Variants in BTBD7 observed in about 807,000 individuals in gnomAD.
BTBD7 encodes BTB domain containing 7.
Under a neutral mutation model 99.9 loss-of-function variants are expected in BTBD7, and 38 were observed. That is an observed-to-expected ratio of 0.38 (90% confidence interval 0.29 to 0.50). BTBD7 has a LOEUF of 0.50. BTBD7 is among the 20% of genes least tolerant of loss of function. The pLI, the probability that BTBD7 is intolerant of heterozygous loss-of-function variation, is 0.93. For missense variants in BTBD7, 1,170 were observed against 1,394.6 expected (o/e 0.84, Z 2.57); for synonymous variants, 520 against 511.4 (o/e 1.02, Z -0.23).
At chr14:93,265,013 CGA>C (rs2052526706) in intron 3 of BTBD7, among the ~76,000 whole-genome samples, 1 of 152,108 alleles carries the variant, frequency 6.6e-6, no homozygotes, top group Admixed American at 6.6e-5. Context: ...CACTTGAACT[CGA>C]GAGGCGGAGG....
intron 3 of BTBD7, among the ~76,000 whole-genome samples, chr14:93,285,215 A>C (rs940642881): frequency 2.0e-5 from 3 of 152,160 alleles, no homozygotes; most frequent in Admixed American, 6.6e-5. Context: ...GGTGAAATGG[A>C]TGAGTGAGTG....
Position 93,263,876 on chromosome 14 carries a change from C to T in BTBD7, c.1280G>A (p.Cys427Tyr). 6.2e-7 allele frequency: 1 copy of T among 1,614,106 alleles called. No individual in the cohort carries two copies. Among genetic ancestry groups the T allele is most frequent in the Non-Finnish European group, 8.5e-7 (1 of 1,179,986 alleles). Residue 427 changes from cysteine (C) to tyrosine (Y), a missense_variant, in exon 4 of 11, where the codon TGT (cysteine) becomes TAT (tyrosine). Physicochemically the swap from Cys to Tyr is radical, Grantham distance 194. Around this residue, in one of 4 missense-constraint regions of BTBD7, gnomAD observed 309 missense variants for 342.0 expected, o/e 0.90. Transcript: ENST00000334746. ...AGTCATGACCTGGGAAAATTCCTCA[C>T]AGAGGAAATGTAAAGCTTGTCGGTG... The part of the protein sequence containing the change: ...WVHRQALHFL[C>Y]EEFSQVMTSD...
intron 2 of BTBD7, among the ~76,000 whole-genome samples, 188 bp downstream of exon 2, chr14:93,295,782 C>T (rs1302126988): frequency 6.6e-6 from 1 of 152,142 alleles, no homozygotes; most frequent in Non-Finnish European, 1.5e-5. Context: ...AATTGTGCTA[C>T]AAGTGGTTTA....
chr14:93,329,846 C>T (rs1050753336), intron 1 of BTBD7, among the ~76,000 whole-genome samples: 6 of 152,124 alleles, frequency 3.9e-5, no homozygotes. Context: ...TAAGAAAACT[C>T]CAAATGAAAG....
At position 93,294,828 on chromosome 14, in the gene BTBD7, G is replaced by A; in HGVS notation, c.192C>T (p.Ala64=). 6.2e-7 allele frequency: 1 copy of A among 1,614,004 alleles called. No homozygotes were observed. The highest frequency in any genetic ancestry group is 8.5e-7 in the Non-Finnish European group (1 of 1,180,022). ...QDKKKRTSGL[A]TLKKKFIKRR... ...GCTTAATAAACTTCTTTTTGAGGGT[G>A]GCAAGACCAGAGGTTCTCTTTTTTT... is the stretch of plus-strand genomic sequence containing the variant. The change falls in exon 3 of 11, where the codon GCC becomes GCT. Residue 64 remains alanine (A), a synonymous_variant. Coordinates refer to ENST00000334746, the MANE Select transcript of BTBD7 (RefSeq NM_001002860.4).
chr14:93,244,934 G>A (rs1201398784), intron 10 of BTBD7, among the ~76,000 whole-genome samples: 1 of 138,970 alleles, frequency 7.2e-6, no homozygotes, highest in Non-Finnish European at 1.5e-5. Flanking sequence ...ACAGCTCACT[G>A]CAGCCTCAAC....
Position 93,238,163 on chromosome 14 carries a change from G to A in BTBD7, c.*4110C>T, listed in dbSNP as rs778369166. 4.6e-5 allele frequency: 7 copies of A among 152,450 alleles called. No individual in the cohort carries two copies. Among genetic ancestry groups the A allele is most frequent in the Non-Finnish European group, 8.8e-5 (6 of 68,036 alleles). 9.4% of individuals were successfully genotyped at this position (152,450 alleles called of 1,614,324 possible). Reference sequence around the variant, plus strand: ...CACAAATACAAGAGGTTATTTTCAAGACACACACTTGCAAGTAATCTTTCT... The same window carrying A: ...CACAAATACAAGAGGTTATTTTCAAAACACACACTTGCAAGTAATCTTTCT... On this transcript the variant is annotated 3_prime_UTR_variant, in exon 11 of 11. Coordinates refer to ENST00000334746, the MANE Select transcript of BTBD7 (RefSeq NM_001002860.4).
chr14:93,318,911 C>T (rs1327310425), intron 1 of BTBD7, among the ~76,000 whole-genome samples: 3 of 152,164 alleles, frequency 2.0e-5, no homozygotes, highest in South Asian at 2.1e-4. Flanking sequence ...TGGCTCATAA[C>T]GAACCCTTAA....
chr14:93,257,448 T>G (rs2139695925), intron 5 of BTBD7, 93 bp from the exon 6 acceptor site: 1 of 1,159,486 alleles, frequency 8.6e-7, no homozygotes, highest in Middle Eastern at 2.0e-4. Context: ...ACAGTACCAC[T>G]CTATAGACTT....
chr14:93,253,669 G>A lies in BTBD7; in HGVS notation c.1730C>T (p.Ser577Phe). 1 of 1,610,674 alleles carries A rather than the reference G, an allele frequency of 6.2e-7. No individual in the cohort carries two copies. The highest frequency in any genetic ancestry group is 8.5e-7 in the Non-Finnish European group (1 of 1,177,460). ...TACCTTTGCTTCTTCCACATAGGGA[G>A]AGAAGAGTCGAGGACGAACATAGAT... Reference protein sequence around the residue: ...AGIYVRPRLFSPYVEEAKSVL... With the variant: ...AGIYVRPRLFFPYVEEAKSVL... The change falls in exon 7 of 11, where the codon TCT (serine) becomes TTT (phenylalanine). Residue 577 changes from serine (S) to phenylalanine (F), a missense_variant. By Grantham distance (155) the Ser-to-Phe change is radical (BLOSUM62 -2). Coordinates refer to ENST00000334746, the MANE Select transcript of BTBD7 (RefSeq NM_001002860.4).
chr14:93,298,020 T>C (rs1393904284), intron 1 of BTBD7, among the ~76,000 whole-genome samples: 1 of 152,114 alleles, frequency 6.6e-6, no homozygotes, highest in Non-Finnish European at 1.5e-5. Flanking sequence ...CTAGGCCTCT[T>C]TGCACTTTCA....
Position 93,238,569 on chromosome 14 carries a change from TG to T in BTBD7, c.*3703del, listed in dbSNP as rs1250749993. ...AAAAAGTCAAAGAAGCATTTCCCTT[TG>T]AATTCAGTCCTAAAAATATGAATGC... On this transcript the variant is annotated 3_prime_UTR_variant, in exon 11 of 11. Coordinates refer to ENST00000334746, the MANE Select transcript of BTBD7 (RefSeq NM_001002860.4). The T allele has an allele frequency of 3.9e-5, 6 of 152,496 alleles. No homozygotes were observed. Among genetic ancestry groups the T allele is most frequent in the African/African-American group, 1.4e-4 (6 of 41,460 alleles). 9.4% of individuals were successfully genotyped at this position (152,496 alleles called of 1,614,324 possible).
chr14:93,282,742 T>C (rs933658610), intron 3 of BTBD7, among the ~76,000 whole-genome samples: 4 of 152,172 alleles, frequency 2.6e-5, no homozygotes, highest in Non-Finnish European at 5.9e-5. Context: ...TTTCCCTCTT[T>C]AGTCAGTAAT....
intron 6 of BTBD7, chr14:93,256,940 A>C: frequency 7.0e-6 from 3 of 431,196 alleles, no homozygotes; most frequent in Non-Finnish European, 1.2e-5. Flanking sequence ...TGACAGAATT[A>C]ACTCTGCTAG....
At chr14:93,274,116 G>T (rs1326639409) in intron 3 of BTBD7, among the ~76,000 whole-genome samples, 1 of 152,186 alleles carries the variant, frequency 6.6e-6, no homozygotes, top group South Asian at 2.1e-4. Context: ...GGCTGCCTAG[G>T]CCTGCTGAAG....
Position 93,295,952 on chromosome 14 carries a change from A to G in BTBD7, c.82+18T>C. On this transcript the variant is annotated intron_variant, in intron 2 of 10. Coordinates refer to ENST00000334746, the MANE Select transcript of BTBD7 (RefSeq NM_001002860.4). The stretch of plus-strand genomic sequence containing the variant: ...TATAGTCACAAAAGAAAATGAAGTT[A>G]GAAAAACTGAAAGTTACCTATAAAA... The G allele has an allele frequency of 6.2e-7, 1 of 1,612,494 alleles. No individual in the cohort carries two copies. Among genetic ancestry groups the G allele is most frequent in the South Asian group, 1.1e-5 (1 of 91,008 alleles).
At chr14:93,297,768 C>G (rs1306978296) in intron 1 of BTBD7, among the ~76,000 whole-genome samples, 4 of 152,114 alleles carry the variant, frequency 2.6e-5, no homozygotes, top group Non-Finnish European at 5.9e-5. Context: ...AGGTCAAATC[C>G]TAATCTCACT....
At chr14:93,277,478 C>T (rs1047432340) in intron 3 of BTBD7, among the ~76,000 whole-genome samples, 1 of 152,282 alleles carries the variant, frequency 6.6e-6, no homozygotes, top group East Asian at 1.9e-4. Context: ...TATATGCAGG[C>T]ATCTTGCTGG....
intron 4 of BTBD7, among the ~76,000 whole-genome samples, chr14:93,262,215 C>G (rs1041766048): frequency 4.6e-5 from 7 of 151,618 alleles, no homozygotes; most frequent in African/African-American, 1.7e-4. Context: ...TCACTGCAAG[C>G]TCCTCCTCCC....
Sources: gnomAD v4.1 joint callset for allele counts (sites outside exome capture counted in the v4.1 genomes callset) on GRCh38, gnomAD v4.1.1 for gene constraint, gnomAD v4.1.1 regional missense constraint, MANE v1.5 for transcripts, NCBI Gene and HGNC (gene_info 2026-07-23, HGNC 2026-07-21) for gene names.